Variants in PCDH15 observed in about 807,000 individuals in gnomAD.
PCDH15 encodes protocadherin related 15, also known as protocadherin-15.
PCDH15 carries 129 observed loss-of-function variants against 178.5 expected under a neutral mutation model. The ratio of observed to expected loss-of-function variants is 0.72; its 90% confidence interval spans 0.63 to 0.84. The LOEUF (loss-of-function observed/expected upper bound fraction) is 0.84, where lower values mean the gene tolerates loss of function less well. Ranked by LOEUF, PCDH15 falls within the 40% of genes least tolerant of loss-of-function variation. PCDH15 has a pLI of 0.00. For synonymous variants in PCDH15, 800 were observed against 732.0 expected (o/e 1.09, Z -1.50); for missense variants, 2,230 against 2,099.9 (o/e 1.06, Z -1.21).
chr10:55,249,929 C>A (rs1841789806), intron 1 of PCDH15, among the ~76,000 whole-genome samples: 1 of 151,698 alleles, frequency 6.6e-6, no homozygotes, highest in Non-Finnish European at 1.5e-5. Context: ...TTAATTATAT[C>A]TTGAAACAAA....
chr10:54,027,279 G>T (rs1246973251), intron 18 of PCDH15, among the ~76,000 whole-genome samples: 2 of 149,156 alleles, frequency 1.3e-5, no homozygotes, highest in African/African-American at 2.5e-5. Flanking sequence ...CACTGCTCAA[G>T]GAAATAAAAG....
At chr10:55,001,516 C>G (rs1345971345) in intron 2 of PCDH15, among the ~76,000 whole-genome samples, 1 of 152,180 alleles carries the variant, frequency 6.6e-6, no homozygotes, top group Non-Finnish European at 1.5e-5. Flanking sequence ...CTCCAAGCCT[C>G]TGGGCAAGGC....
At chr10:53,878,271 C>A (rs1313743257) in intron 26 of PCDH15, among the ~76,000 whole-genome samples, 1 of 134,816 alleles carries the variant, frequency 7.4e-6, no homozygotes, top group African/African-American at 3.1e-5. Flanking sequence ...TAAACTATGG[C>A]ATACACACAC....
intron 2 of PCDH15, among the ~76,000 whole-genome samples, chr10:55,339,092 A>T (rs1453790268): frequency 1.3e-5 from 2 of 152,158 alleles, no homozygotes; most frequent in African/African-American, 4.8e-5. Context: ...TAATGTGATC[A>T]TAGTTAACAA....
At position 54,731,559 on chromosome 10, in the gene PCDH15, T is replaced by TACAC. The variant is rs1329721840; in HGVS notation, c.-28-67270_-28-67269insGTGT. Reference sequence around the variant, plus strand: ...AATGTGAGATAGATATATATATATATATATACACACACACACACACACACA... The same window carrying TACAC: ...AATGTGAGATAGATATATATATATATACACATATACACACACACACACACACACA... On this transcript the variant is annotated intron_variant, in intron 1 of 37. Coordinates refer to ENST00000644397, the MANE Select transcript of PCDH15 (RefSeq NM_001384140.1). 2.0e-4 allele frequency among the ~76,000 whole-genome samples: 10 copies of TACAC among 50,618 alleles called. No individual in the cohort carries two copies. The East Asian group carries it at 4.0e-3, about 20-fold the overall frequency. The allele number at this position is 50,618 out of a possible 152,430, so 33.2% of individuals were successfully genotyped here.
intron 3 of PCDH15, among the ~76,000 whole-genome samples, chr10:54,525,283 T>G (rs2083264417): frequency 6.6e-6 from 1 of 152,220 alleles, no homozygotes; most frequent in African/African-American, 2.4e-5. Flanking sequence ...CTAATTTAGC[T>G]GATTAAAGAT....
chr10:55,121,358 T>TA (rs1554832754), intron 2 of PCDH15, among the ~76,000 whole-genome samples: 1 of 149,020 alleles, frequency 6.7e-6, no homozygotes, highest in Admixed American at 6.7e-5. Flanking sequence ...GGCTCAGAGC[T>TA]GGGGGGGGGC....
chr10:55,144,325 T>C (rs1248822545), intron 2 of PCDH15, among the ~76,000 whole-genome samples: 1 of 151,862 alleles, frequency 6.6e-6, no homozygotes, highest in East Asian at 1.9e-4. Context: ...ATAGAACAAG[T>C]CCTAGAGCTC....
At chr10:55,622,043 AT>A (rs1725706004) in intron 2 of PCDH15, among the ~76,000 whole-genome samples, 1 of 141,874 alleles carries the variant, frequency 7.0e-6, no homozygotes, top group African/African-American at 2.6e-5. Flanking sequence ...TATATAATAT[AT>A]ATATAAATTG....
chr10:54,521,437 A>AT (rs1555027099), intron 3 of PCDH15, among the ~76,000 whole-genome samples: 2 of 152,170 alleles, frequency 1.3e-5, no homozygotes, highest in Non-Finnish European at 2.9e-5. Context: ...CAAGCACATT[A>AT]ATCAATTTTC....
intron 18 of PCDH15, among the ~76,000 whole-genome samples, chr10:54,062,248 A>AAAAAAAAAAAAAAAAAAAAAAAAAAG (rs2094039380): frequency 8.3e-6 from 1 of 119,928 alleles, no homozygotes; most frequent in Non-Finnish European, 1.6e-5. Flanking sequence ...AAAAAAAAAA[A>AAAAAAAAAAAAAAAAAAAAAAAAAAG]AAAACAAAAA....
chr10:54,825,831 G>T (rs532377934), intron 3 of PCDH15, among the ~76,000 whole-genome samples: 2 of 151,954 alleles, frequency 1.3e-5, no homozygotes, highest in South Asian at 2.1e-4. Flanking sequence ...TTCATGCCAG[G>T]ATATGTACTT....
At chr10:54,962,619 A>T (rs914223698) in intron 2 of PCDH15, among the ~76,000 whole-genome samples, 2 of 152,148 alleles carry the variant, frequency 1.3e-5, no homozygotes, top group African/African-American at 4.8e-5. Flanking sequence ...CTTGCTGTAC[A>T]TTGGGTCAAG....
At chr10:54,778,079 CTT>C (rs1336736427) in intron 1 of PCDH15, among the ~76,000 whole-genome samples, 1 of 152,174 alleles carries the variant, frequency 6.6e-6, no homozygotes, top group Non-Finnish European at 1.5e-5. Context: ...TCACGAGAAA[CTT>C]TGAAATTGCC....
chr10:54,347,012 T>C (rs1190378461), intron 5 of PCDH15, among the ~76,000 whole-genome samples: 1 of 152,166 alleles, frequency 6.6e-6, no homozygotes, highest in Non-Finnish European at 1.5e-5. Context: ...TGATATTGGT[T>C]GAGTAGAACA....
chr10:54,511,890 G>A (rs1334083668), intron 3 of PCDH15, among the ~76,000 whole-genome samples: 3 of 151,628 alleles, frequency 2.0e-5, no homozygotes, highest in Admixed American at 2.0e-4. Context: ...TTTCTTTGGG[G>A]GAGTGTTTTC....
At chr10:54,843,109 A>G (rs2133763127) in intron 3 of PCDH15, among the ~76,000 whole-genome samples, 1 of 152,092 alleles carries the variant, frequency 6.6e-6, no homozygotes, top group Non-Finnish European at 1.5e-5. Context: ...CCTCAGCAGT[A>G]TCTCAGCAGT....
At chr10:54,347,482 C>T (rs147365733) in intron 5 of PCDH15, among the ~76,000 whole-genome samples, 283 of 152,246 alleles carry the variant, frequency 1.9e-3, no homozygotes, top group Admixed American at 3.5e-3. Context: ...AGACTGGACG[C>T]TTTTAATGTT....
At chr10:55,273,825 A>G (rs1236816450) in intron 1 of PCDH15, among the ~76,000 whole-genome samples, 1 of 152,108 alleles carries the variant, frequency 6.6e-6, no homozygotes, top group Non-Finnish European at 1.5e-5. Context: ...CATATAACCT[A>G]TTATATTTTT....
Sources: allele counts gnomAD v4.1 joint callset (sites outside exome capture counted in the v4.1 genomes callset), GRCh38; gene constraint gnomAD v4.1.1; transcripts MANE v1.5; gene names NCBI Gene and HGNC (gene_info 2026-07-23, HGNC 2026-07-21).